Variants in PTPRG observed in about 807,000 individuals in gnomAD.
PTPRG encodes protein tyrosine phosphatase receptor type G.
A neutral mutation model predicts 165.3 loss-of-function variants in PTPRG; 102 were observed. That is an observed-to-expected ratio of 0.62 (90% CI 0.53 to 0.73). The LOEUF (loss-of-function observed/expected upper bound fraction) is 0.73, where lower values mean the gene tolerates loss of function less well. PTPRG is among the 30% of genes least tolerant of loss of function. The pLI, the probability that PTPRG is intolerant of heterozygous loss-of-function variation, is 0.00. For synonymous variants in PTPRG, 675 were observed against 669.5 expected (o/e 1.01, Z -0.13); for missense variants, 1,866 against 1,861.4 (o/e 1.00, Z -0.05).
At chr3:62,022,111 G>A (rs929902254) in intron 4 of PTPRG, among the ~76,000 whole-genome samples, 2 of 152,080 alleles carry the variant, frequency 1.3e-5, no homozygotes, top group Non-Finnish European at 2.9e-5. Flanking sequence ...TCACAGCCAA[G>A]GCTGCTGTAC....
intron 17 of PTPRG, among the ~76,000 whole-genome samples, chr3:62,266,780 AT>A (rs1028884923): frequency 4.7e-5 from 7 of 149,084 alleles, no homozygotes; most frequent in African/African-American, 1.7e-4. Context: ...CCTTTTACTT[AT>A]TTTGCTATCC....
chr3:62,150,560 C>T (rs1704294474), intron 6 of PTPRG, among the ~76,000 whole-genome samples: 1 of 152,126 alleles, frequency 6.6e-6, no homozygotes, highest in Non-Finnish European at 1.5e-5. Context: ...ACTTAATGCC[C>T]AATTCTTTCC....
chr3:62,112,307 T>A (rs1476080294), intron 5 of PTPRG, among the ~76,000 whole-genome samples: 1 of 152,090 alleles, frequency 6.6e-6, no homozygotes, highest in East Asian at 1.9e-4. Context: ...TTTCACTATG[T>A]TGGCCAGGCT....
intron 1 of PTPRG, among the ~76,000 whole-genome samples, chr3:61,689,728 T>C (rs1454660990): frequency 2.0e-5 from 3 of 152,212 alleles, no homozygotes; most frequent in Non-Finnish European, 4.4e-5. Context: ...TTATTGGTGG[T>C]GAGTAATTCT....
chr3:61,577,896 T>C (rs1234893044), intron 1 of PTPRG, among the ~76,000 whole-genome samples: 6 of 152,214 alleles, frequency 3.9e-5, no homozygotes, highest in Non-Finnish European at 8.8e-5. Context: ...TCCGGGTATG[T>C]TAGGATAGCA....
chr3:61,938,654 A>G (rs1467771973), intron 2 of PTPRG, among the ~76,000 whole-genome samples: 1 of 152,136 alleles, frequency 6.6e-6, no homozygotes, highest in Non-Finnish European at 1.5e-5. Context: ...TTTTTCACTT[A>G]AGGTGCGGTC....
rs1415567623 is a variant in PTPRG, at chr3:62,294,520, A to G, written c.*1213A>G. On this transcript the variant is annotated 3_prime_UTR_variant, in exon 30 of 30. Transcript: ENST00000474889. ...TTTTAAAAGAGGGAGATGGCTTTGT[A>G]TGCTTTTGTGTAGTTTAGAACAGAT... 1 of 152,122 alleles carries G rather than the reference A, an allele frequency of 6.6e-6. No homozygotes were observed. Among genetic ancestry groups the G allele is most frequent in the Non-Finnish European group, 1.5e-5 (1 of 68,012 alleles). 9.4% of individuals were successfully genotyped at this position (152,122 alleles called of 1,614,324 possible).
intron 8 of PTPRG, among the ~76,000 whole-genome samples, chr3:62,186,369 G>A (rs1705886603): frequency 6.6e-6 from 1 of 152,062 alleles, no homozygotes; most frequent in African/African-American, 2.4e-5. Context: ...AAGGGTACCA[G>A]TGATAAGGAG....
intron 1 of PTPRG, among the ~76,000 whole-genome samples, chr3:61,692,815 G>A (rs1365934693): frequency 6.6e-6 from 1 of 152,180 alleles, no homozygotes; most frequent in Admixed American, 6.5e-5. Context: ...CGGCCATCTG[G>A]ATGTGTACGT....
intron 5 of PTPRG, among the ~76,000 whole-genome samples, chr3:62,131,669 C>T (rs536057521): frequency 2.0e-5 from 3 of 152,120 alleles, no homozygotes; most frequent in Admixed American, 1.3e-4. Context: ...TTGAAAAACT[C>T]TTTATTTTGG....
intron 2 of PTPRG, among the ~76,000 whole-genome samples, chr3:61,757,739 G>A (rs2033678895): frequency 6.6e-6 from 1 of 152,176 alleles, no homozygotes; most frequent in Non-Finnish European, 1.5e-5. Context: ...TACAGAAGTT[G>A]TATATAAATA....
chr3:62,113,549 A>C (rs1482568107), intron 5 of PTPRG, among the ~76,000 whole-genome samples: 3 of 152,214 alleles, frequency 2.0e-5, no homozygotes, highest in Non-Finnish European at 4.4e-5. Flanking sequence ...ATATATCAAC[A>C]TTTGAATACA....
chr3:62,267,537 A>C (rs377605771), intron 18 of PTPRG, 45 bp downstream of exon 18: 1 of 1,550,466 alleles, frequency 6.4e-7, no homozygotes, highest in Non-Finnish European at 8.8e-7. Context: ...GAAATTGAAG[A>C]CTGCAGCAGA....
intron 1 of PTPRG, among the ~76,000 whole-genome samples, chr3:61,575,496 C>T (rs541077549): frequency 1.8e-4 from 27 of 151,998 alleles, no homozygotes; most frequent in African/African-American, 6.3e-4. Flanking sequence ...GGTTTTCTTA[C>T]CTTTAAAATG....
intron 2 of PTPRG, among the ~76,000 whole-genome samples, chr3:61,817,056 T>C (rs887962907): frequency 1.5e-5 from 2 of 133,868 alleles, no homozygotes; most frequent in African/African-American, 5.6e-5. Context: ...ATATTATATA[T>C]AATATATAAT....
rs1406388464 is a variant in PTPRG, at chr3:61,914,134, T to C, written c.191-75491T>C. Among the ~76,000 whole-genome samples the C allele has an allele frequency of 2.0e-5, 3 of 152,216 alleles. No homozygotes were observed. The East Asian group carries it at 5.8e-4, about 29-fold the overall frequency. On this transcript the variant is annotated intron_variant, in intron 2 of 29. Transcript: ENST00000474889. Reference sequence around the variant, plus strand: ...CCTCTCATCTACAGTTCAGTGGTCCTAGAACTGATGTCATGATTAGGTCAA... The same window carrying C: ...CCTCTCATCTACAGTTCAGTGGTCCCAGAACTGATGTCATGATTAGGTCAA...
intron 1 of PTPRG, among the ~76,000 whole-genome samples, chr3:61,593,111 G>A (rs114453065): frequency 1.9e-3 from 292 of 152,262 alleles, no homozygotes; most frequent in Non-Finnish European, 3.2e-3. Context: ...GGATCTCATG[G>A]ATCAGAATCT....
chr3:62,135,309 T>C (rs531803326), intron 6 of PTPRG, among the ~76,000 whole-genome samples: 180 of 151,926 alleles, frequency 1.2e-3, no homozygotes, highest in African/African-American at 4.1e-3. Flanking sequence ...AAAAAGCTTT[T>C]GTTGGAACTA....
intron 28 of PTPRG, among the ~76,000 whole-genome samples, chr3:62,283,568 A>C (rs1466008235): frequency 6.6e-6 from 1 of 152,154 alleles, no homozygotes; most frequent in Non-Finnish European, 1.5e-5. Context: ...TTCAAATCAC[A>C]AACCTTTAGC....
Sources: gnomAD v4.1 joint callset for allele counts (sites outside exome capture counted in the v4.1 genomes callset) on GRCh38, gnomAD v4.1.1 for gene constraint, MANE v1.5 for transcripts, NCBI Gene and HGNC (gene_info 2026-07-23, HGNC 2026-07-21) for gene names.